The following ATOSA variants were observed in gnomAD, a reference collection of about 807,000 sequenced individuals.
ATOSA encodes atos homolog protein A.
chr15:52,583,623 T>TG, the ATOSA span, among the ~76,000 whole-genome samples: 2 of 152,170 alleles, frequency 1.3e-5, 1 homozygote, highest in Non-Finnish European at 2.9e-5. Flanking sequence ...TGACCTCAGG[T>TG]GATCCACCCA....
the ATOSA span, among the ~76,000 whole-genome samples, chr15:52,610,713 C>T: frequency 6.6e-6 from 1 of 152,156 alleles, no homozygotes; most frequent in Non-Finnish European, 1.5e-5. Flanking sequence ...CAGCTAATTC[C>T]ATTGTGCAAG....
At chr15:52,698,941 T>C in the ATOSA span, among the ~76,000 whole-genome samples, 1 of 152,158 alleles carries the variant, frequency 6.6e-6, no homozygotes. Context: ...ACTCGAGCCA[T>C]GGCAAAACTT....
chr15:52,661,690 C>G, the ATOSA span, among the ~76,000 whole-genome samples: 1 of 152,066 alleles, frequency 6.6e-6, no homozygotes, highest in Non-Finnish European at 1.5e-5. Context: ...GTAAATACCT[C>G]AATTCTGCAC....
At chr15:52,639,249 T>C in the ATOSA span, among the ~76,000 whole-genome samples, 2 of 152,184 alleles carry the variant, frequency 1.3e-5, no homozygotes, top group African/African-American at 4.8e-5. Context: ...TATAATATCA[T>C]CTGTTCCTGA....
chr15:52,639,455 G>C, the ATOSA span, among the ~76,000 whole-genome samples: 1 of 152,332 alleles, frequency 6.6e-6, no homozygotes, highest in South Asian at 2.1e-4. Context: ...AGATATGCCA[G>C]AATAAGAGTA....
At chr15:52,642,046 C>G in the ATOSA span, among the ~76,000 whole-genome samples, 18 of 152,192 alleles carry the variant, frequency 1.2e-4, no homozygotes, top group Non-Finnish European at 1.9e-4. Context: ...CAACTAAGCA[C>G]AACTATTATG....
the ATOSA span, among the ~76,000 whole-genome samples, chr15:52,587,985 A>T: frequency 1.3e-5 from 2 of 152,360 alleles, no homozygotes; most frequent in Admixed American, 1.3e-4. Context: ...ATTCTAAATC[A>T]GAACACAATG....
At chr15:52,642,840 CTG>C in the ATOSA span, among the ~76,000 whole-genome samples, 10 of 152,182 alleles carry the variant, frequency 6.6e-5, no homozygotes, top group African/African-American at 2.2e-4. Flanking sequence ...AAGTCTCACT[CTG>C]TCACCCAGGC....
At chr15:52,641,641 A>G in the ATOSA span, among the ~76,000 whole-genome samples, 1 of 152,248 alleles carries the variant, frequency 6.6e-6, no homozygotes, top group African/African-American at 2.4e-5. Flanking sequence ...TAACTGTATG[A>G]GCGGATTCAT....
the ATOSA span, among the ~76,000 whole-genome samples, chr15:52,590,007 T>G: frequency 1.3e-5 from 2 of 152,038 alleles, no homozygotes; most frequent in Admixed American, 1.3e-4. Flanking sequence ...AGGCTGGTCT[T>G]GAACTCCTGA....
chr15:52,654,434 G>A, the ATOSA span, among the ~76,000 whole-genome samples: 1 of 152,132 alleles, frequency 6.6e-6, no homozygotes, highest in Non-Finnish European at 1.5e-5. Context: ...TAATGAGTAT[G>A]CTATAAAATG....
At chr15:52,650,739 C>A in the ATOSA span, among the ~76,000 whole-genome samples, 1 of 152,154 alleles carries the variant, frequency 6.6e-6, no homozygotes, top group African/African-American at 2.4e-5. Context: ...CTTATACTGA[C>A]TTTACTCATC....
the ATOSA span, among the ~76,000 whole-genome samples, chr15:52,622,689 T>C: frequency 6.6e-6 from 1 of 152,074 alleles, no homozygotes; most frequent in Non-Finnish European, 1.5e-5. Context: ...GAGATCTGAA[T>C]GACAAGGAGC....
chr15:52,591,211 C>CT, the ATOSA span, among the ~76,000 whole-genome samples: 1 of 152,158 alleles, frequency 6.6e-6, no homozygotes, highest in Non-Finnish European at 1.5e-5. Context: ...ACTCTGTTCA[C>CT]TAATGATAGA....
the ATOSA span, among the ~76,000 whole-genome samples, chr15:52,662,469 T>C: frequency 6.6e-6 from 1 of 152,118 alleles, no homozygotes; most frequent in African/African-American, 2.4e-5. Context: ...AAAAAGAGTA[T>C]TATAAAACAA....
the ATOSA span, among the ~76,000 whole-genome samples, chr15:52,662,674 G>T: frequency 5.9e-5 from 9 of 151,546 alleles, no homozygotes; most frequent in African/African-American, 2.2e-4. Context: ...GGAGGCTGAG[G>T]CAGGAGAATG....
At chr15:52,674,394 T>C in the ATOSA span, among the ~76,000 whole-genome samples, 1 of 152,076 alleles carries the variant, frequency 6.6e-6, no homozygotes, top group Non-Finnish European at 1.5e-5. Context: ...AGGTATTCAA[T>C]ATACACACAG....
chr15:52,604,766 T>G, the ATOSA span, among the ~76,000 whole-genome samples: 1 of 152,170 alleles, frequency 6.6e-6, no homozygotes, highest in African/African-American at 2.4e-5. Flanking sequence ...CTCAAGATGA[T>G]TAAGTGAAGG....
At chr15:52,613,899 T>C in the ATOSA span, 2 of 1,542,292 alleles carry the variant, frequency 1.3e-6, no homozygotes, top group Non-Finnish European at 1.8e-6. Flanking sequence ...TTTAATGTAC[T>C]CTTAGTAAGA....
Sources: gnomAD v4.1 joint callset for allele counts (sites outside exome capture counted in the v4.1 genomes callset) on GRCh38, gnomAD v4.1.1 for gene constraint, MANE v1.5 for transcripts, NCBI Gene and HGNC (gene_info 2026-07-23, HGNC 2026-07-21) for gene names.